The following SLC30A6 variants were observed in gnomAD, a reference collection of about 807,000 sequenced individuals.
SLC30A6 encodes the protein solute carrier family 30 member 6.
A neutral mutation model predicts 63.0 loss-of-function variants in SLC30A6; 55 were observed. The ratio of observed to expected loss-of-function variants is 0.87; its 90% confidence interval spans 0.70 to 1.09. The LOEUF (loss-of-function observed/expected upper bound fraction) is 1.09, where lower values mean the gene tolerates loss of function less well. SLC30A6 is among the 50% of genes least tolerant of loss of function. The pLI is 0.00. For missense variants in SLC30A6, 587 were observed against 549.2 expected, an observed-to-expected ratio of 1.07 and a Z score of -0.69; for synonymous variants, 224 against 186.1, an observed-to-expected ratio of 1.20 and a Z score of -1.66.
chr2:32,218,279 C>A (rs1018159667), intron 13 of SLC30A6, among the ~76,000 whole-genome samples: 1 of 151,968 alleles, frequency 6.6e-6, no homozygotes, highest in Non-Finnish European at 1.5e-5. Context: ...AAAAACAAAA[C>A]CAAAAAAACC....
chr2:32,215,201 C>T, intron 13 of SLC30A6, among the ~76,000 whole-genome samples: 1 of 151,828 alleles, frequency 6.6e-6, no homozygotes, highest in East Asian at 1.9e-4. Context: ...ATTTTATTTA[C>T]TCTCTTTTTT....
rs145135005 is a variant in SLC30A6 at position 32,184,983 on chromosome 2, T to C, written c.284+645T>C. 9.6e-3 allele frequency among the ~76,000 whole-genome samples: 1,465 copies of C among 152,334 alleles called. 27 individuals are homozygous for C. Among genetic ancestry groups the C allele is most frequent in the South Asian group, 0.049 (236 of 4,822 alleles). On this transcript the variant is annotated intron_variant, in intron 5 of 13. Coordinates refer to ENST00000282587, the MANE Select transcript of SLC30A6 (RefSeq NM_017964.5). Reference sequence around the variant, plus strand: ...TTCTAGATGTTAAATAAATGTGATATAGTTTAATAATAGGCAGTGGTAAAG... The same window carrying C: ...TTCTAGATGTTAAATAAATGTGATACAGTTTAATAATAGGCAGTGGTAAAG...
rs1364696645 is a variant in SLC30A6, at chr2:32,197,432, G to A, written c.545+40G>A. On this transcript the variant is annotated intron_variant, in intron 9 of 13. Transcript: ENST00000282587. Reference sequence around the variant, plus strand: ...AGTTTCATGATATGCATAATTTAAAGGAATACACAAGAAATGCATCTATCA... The same window carrying A: ...AGTTTCATGATATGCATAATTTAAAAGAATACACAAGAAATGCATCTATCA... The A allele has an allele frequency of 3.2e-6, 5 of 1,560,434 alleles. No individual in the cohort carries two copies. In the South Asian group the frequency reaches 3.4e-5, roughly 11 times the overall value.
At chr2:32,184,411 C>A in intron 5 of SLC30A6, 73 bp downstream of exon 5, 3 of 814,480 alleles carry the variant, frequency 3.7e-6, no homozygotes, top group East Asian at 3.1e-5. Context: ...CGATAAAGAG[C>A]TAGCTAGAGT....
intron 13 of SLC30A6, among the ~76,000 whole-genome samples, chr2:32,211,839 C>G (rs1197413948): frequency 6.6e-6 from 1 of 152,124 alleles, no homozygotes; most frequent in Non-Finnish European, 1.5e-5. Context: ...AAGCTAGTCT[C>G]AGACTCCTGA....
At chr2:32,179,037 T>C (rs778700532) in intron 4 of SLC30A6, among the ~76,000 whole-genome samples, 1 of 152,148 alleles carries the variant, frequency 6.6e-6, no homozygotes. Context: ...TTTTTTGATA[T>C]TTTGTAGAAA....
At chr2:32,182,458 T>C (rs1682413830) in intron 4 of SLC30A6, among the ~76,000 whole-genome samples, 2 of 152,190 alleles carry the variant, frequency 1.3e-5, no homozygotes, top group South Asian at 2.1e-4. Flanking sequence ...AGGGCTCTTT[T>C]GATTGCAGCC....
At chr2:32,183,228 G>C (rs992379909) in intron 4 of SLC30A6, among the ~76,000 whole-genome samples, 2 of 151,968 alleles carry the variant, frequency 1.3e-5, no homozygotes, top group Non-Finnish European at 2.9e-5. Flanking sequence ...TATAGATGGA[G>C]AAAAAAATGA....
intron 10 of SLC30A6, chr2:32,202,955 C>T: frequency 1.7e-6 from 2 of 1,143,440 alleles, no homozygotes; most frequent in Non-Finnish European, 2.7e-6. Flanking sequence ...TTCAAGTCTA[C>T]AGTGGGTCTG....
Position 32,204,688 on chromosome 2 carries a change from T to C in SLC30A6, c.764T>C (p.Leu255Pro). Residue 255 changes from leucine to proline, a missense_variant, in exon 11 of 14, where the codon CTC becomes CCC. By Grantham distance (98) the Leu-to-Pro change is moderately conservative (BLOSUM62 -3). Transcript: ENST00000282587. Reference protein sequence around the residue: ...PMSVYSGKVLLQTTPPHVIGQ... With the variant: ...PMSVYSGKVLPQTTPPHVIGQ... ...AGTGTGTACAGTGGGAAAGTCTTAC[T>C]CCAGGTAAGGTGCTTCTTCCAATGC... The C allele has an allele frequency of 6.3e-7, 1 of 1,596,292 alleles. No individual in the cohort carries two copies. The highest frequency in any genetic ancestry group is 8.6e-7 in the Non-Finnish European group (1 of 1,167,752).
chr2:32,165,924 A>G (rs756952446), intron 1 of SLC30A6, 21 bp downstream of exon 1: 2 of 1,614,042 alleles, frequency 1.2e-6, no homozygotes, highest in Admixed American at 1.7e-5. Flanking sequence ...TGTTGGGGTG[A>G]GGGTTTCGGC....
intron 4 of SLC30A6, among the ~76,000 whole-genome samples, chr2:32,176,354 T>A (rs1204183423): frequency 6.6e-6 from 1 of 152,088 alleles, no homozygotes; most frequent in East Asian, 1.9e-4. Context: ...TGCTCTTTTG[T>A]TTTTTTAAAA....
chr2:32,209,530 A>G lies in SLC30A6; in HGVS notation c.854A>G (p.Glu285Gly). ...GATGGAGTTTTAGAAGTCCGAAATG[A>G]ACATTTTTGGACCCTAGGTTTTGGC... ...TLDGVLEVRN[E>G]HFWTLGFGSL... The change falls in exon 13 of 14, where the codon GAA becomes GGA. Residue 285 changes from glutamate to glycine, a missense_variant. Glu to Gly is a moderately conservative substitution (Grantham distance 98, BLOSUM62 -2). Transcript: ENST00000282587. The G allele has an allele frequency of 2.5e-6, 4 of 1,613,118 alleles. No homozygotes were observed. Among genetic ancestry groups the G allele is most frequent in the Non-Finnish European group, 3.4e-6 (4 of 1,179,726 alleles).
intron 5 of SLC30A6, chr2:32,187,256 A>G (rs1482068300): frequency 2.1e-6 from 1 of 470,818 alleles, no homozygotes; most frequent in Non-Finnish European, 4.4e-6. Context: ...TCTCACCTTC[A>G]TCCGAGAGAG....
chr2:32,202,761 C>A, intron 10 of SLC30A6: 1 of 712,072 alleles, frequency 1.4e-6, no homozygotes, highest in Non-Finnish European at 2.6e-6. Context: ...AGACAGTCCT[C>A]AGACTTTACT....
chr2:32,202,829 C>G, intron 10 of SLC30A6: 1 of 804,818 alleles, frequency 1.2e-6, no homozygotes, highest in Non-Finnish European at 2.2e-6. Flanking sequence ...GAGTGAAATC[C>G]AGATACGAAC....
Position 32,184,340 on chromosome 2 carries a change from T to C in SLC30A6, c.284+2T>C. The C allele has an allele frequency of 6.8e-7, 1 of 1,478,946 alleles. No homozygotes were observed. Among genetic ancestry groups the C allele is most frequent in the Non-Finnish European group, 9.1e-7 (1 of 1,099,560 alleles). The allele number at this position is 1,478,946 out of a possible 1,614,324, so 91.6% of individuals were successfully genotyped here. A position where few individuals can be genotyped will look rare whatever the true frequency, so the allele number is the denominator to read the frequency against. On this transcript the variant is annotated splice_donor_variant, in intron 5 of 13. Coordinates refer to ENST00000282587, the MANE Select transcript of SLC30A6 (RefSeq NM_017964.5). LOFTEE classifies it high-confidence loss of function. ...ACCTAGCCCTGTCTATTCATTTGGG[T>C]AAGTTCAAATTATTTTATTTTCTGC...
intron 5 of SLC30A6, chr2:32,187,187 A>G (rs1484123539): frequency 2.1e-6 from 1 of 471,078 alleles, no homozygotes; most frequent in African/African-American, 2.0e-5. Context: ...TCAGTCTCTC[A>G]GACCACTTTT....
chr2:32,185,903 G>A (rs1029288468), intron 5 of SLC30A6, among the ~76,000 whole-genome samples: 3 of 130,628 alleles, frequency 2.3e-5, no homozygotes, highest in Non-Finnish European at 4.9e-5. Flanking sequence ...TTTTTTTTTT[G>A]TATTTTTAGT....
Sources: allele counts gnomAD v4.1 joint callset (sites outside exome capture counted in the v4.1 genomes callset), GRCh38; gene constraint gnomAD v4.1.1; transcripts MANE v1.5; gene names NCBI Gene and HGNC (gene_info 2026-07-23, HGNC 2026-07-21).